Variants in ZNF573 observed in about 807,000 individuals in gnomAD.
The protein encoded by ZNF573 is zinc finger protein 573.
Under a neutral mutation model 57.4 loss-of-function variants are expected in ZNF573, and 41 were observed. The observed-to-expected ratio is 0.71, with a 90% CI of 0.56 to 0.93. The LOEUF (loss-of-function observed/expected upper bound fraction) is 0.93, where lower values mean the gene tolerates loss of function less well. Among genes scored for constraint, ZNF573 ranks in the 40% least tolerant of loss-of-function variants. The pLI, the probability that ZNF573 is intolerant of heterozygous loss-of-function variation, is 0.00. For missense variants in ZNF573, 730 were observed against 794.8 expected (o/e 0.92, Z 0.98); for synonymous variants, 249 against 261.0 (o/e 0.95, Z 0.44).
chr19:37,740,110 A>T lies in ZNF573; in HGVS notation c.380T>A (p.Ile127Lys). Residue 127 changes from isoleucine (I) to lysine (K), a missense_variant, in exon 5 of 5, where the codon ATA (isoleucine) becomes AAA (lysine). Transcript: ENST00000536220. ...TTCATAGAGTTTCTCTCTCTTATAT[A>T]TGCTCTGAAGTTGTGTAGAGGATAT... The part of the protein sequence containing the change: ...TDISSTQLQS[I>K]YKREKLYECK... 6.2e-7 allele frequency: 1 copy of T among 1,613,856 alleles called. No homozygotes were observed. Among genetic ancestry groups the T allele is most frequent in the Non-Finnish European group, 8.5e-7 (1 of 1,179,862 alleles).
At chr19:37,742,263 T>C (rs2145277021) in intron 4 of ZNF573, among the ~76,000 whole-genome samples, 1 of 152,298 alleles carries the variant, frequency 6.6e-6, no homozygotes, top group Middle Eastern at 3.4e-3. Flanking sequence ...AAGTAAATTA[T>C]AGATTCAATG....
chr19:37,753,214 A>G (rs533529120), intron 4 of ZNF573, among the ~76,000 whole-genome samples: 1 of 152,178 alleles, frequency 6.6e-6, no homozygotes, highest in African/African-American at 2.4e-5. Flanking sequence ...TTCACAGTAA[A>G]ATTTTATTAT....
At chr19:37,745,756 C>T (rs192027637) in intron 4 of ZNF573, among the ~76,000 whole-genome samples, 14 of 152,248 alleles carry the variant, frequency 9.2e-5, no homozygotes, top group Admixed American at 5.2e-4. Context: ...CTATAATGTA[C>T]ATAGAGGATT....
chr19:37,769,905 G>A, intron 4 of ZNF573, 100 bp downstream of exon 4: 3 of 963,216 alleles, frequency 3.1e-6, no homozygotes. Flanking sequence ...CACAAGTCTG[G>A]GTGCCTTGGA....
At position 37,750,584 on chromosome 19, in the gene ZNF573, A is replaced by T. The variant is rs57676507; in HGVS notation, c.296-10390T>A. 5.9e-3 allele frequency among the ~76,000 whole-genome samples: 906 copies of T among 152,300 alleles called. 10 individuals are homozygous for T. The highest frequency in any genetic ancestry group is 0.021 in the African/African-American group (856 of 41,564). ...CAGAATAATGGAGGAAAAAAATCGT[A>T]TGAATTTTGTTAATACATGCAGAAA... is the stretch of plus-strand genomic sequence containing the variant. On this transcript the variant is annotated intron_variant, in intron 4 of 4. Transcript: ENST00000536220.
At chr19:37,744,740 C>CA (rs1193916273) in intron 4 of ZNF573, among the ~76,000 whole-genome samples, 510 of 37,646 alleles carry the variant, frequency 0.014, 4 homozygotes, top group Middle Eastern at 0.024. Context: ...GACCCTATCT[C>CA]AAAAAAAAAA....
At chr19:37,746,618 C>A (rs1044131241) in intron 4 of ZNF573, among the ~76,000 whole-genome samples, 1 of 151,838 alleles carries the variant, frequency 6.6e-6, no homozygotes, top group Non-Finnish European at 1.5e-5. Context: ...CTTGCTCTGT[C>A]GCCCAGGCTG....
chr19:37,752,193 T>C (rs80234820), intron 4 of ZNF573, among the ~76,000 whole-genome samples: 37 of 152,252 alleles, frequency 2.4e-4, no homozygotes, highest in African/African-American at 8.9e-4. Flanking sequence ...CAACTGGATA[T>C]TCACATGCAA....
chr19:37,768,919 G>T (rs574432619), intron 4 of ZNF573, among the ~76,000 whole-genome samples: 1 of 138,624 alleles, frequency 7.2e-6, no homozygotes, highest in East Asian at 2.2e-4. Flanking sequence ...ACCCATCTCG[G>T]CCTCCCAAAG....
At chr19:37,777,393 C>A (rs1441043495) in intron 1 of ZNF573, among the ~76,000 whole-genome samples, 1 of 152,036 alleles carries the variant, frequency 6.6e-6, no homozygotes. Context: ...AGCCTAAATG[C>A]CCATCAACAA....
In ZNF573 at chr19:37,771,641, C is replaced by T; in HGVS notation, c.125G>A (p.Trp42Ter). The T allele has an allele frequency of 1.9e-6, 3 of 1,603,138 alleles. No individual in the cohort carries two copies. The highest frequency in any genetic ancestry group is 2.6e-6 in the Non-Finnish European group (3 of 1,176,462). The change falls in exon 3 of 5, where the codon TGG (tryptophan) becomes TAG (stop). Residue 42 changes from tryptophan (W) to a stop codon, truncating the protein, a stop_gained. Transcript: ENST00000536220. LOFTEE classifies it high-confidence loss of function. ...CCTCTGATTAGGGTCCAGGTATTCC[C>T]ACTCCTGCCGAGAGAAGTCTATGGC... The part of the protein sequence containing the change: ...DVAIDFSRQE[W>*]EYLDPNQRDL...
chr19:37,776,126 AAAAAC>A (rs1336735267), intron 1 of ZNF573, among the ~76,000 whole-genome samples: 1 of 152,232 alleles, frequency 6.6e-6, no homozygotes, highest in Non-Finnish European at 1.5e-5. Context: ...CAGAATTAGA[AAAAAC>A]AATCCTAAAA....
Position 37,740,128 on chromosome 19 carries a change from G to C in ZNF573, c.362C>G (p.Ser121Cys), listed in dbSNP as rs775772267. 2.5e-6 allele frequency: 4 copies of C among 1,613,590 alleles called. No homozygotes were observed. Among genetic ancestry groups the C allele is most frequent in the Non-Finnish European group, 3.4e-6 (4 of 1,179,760 alleles). ...EVPTYETDIS[S>C]TQLQSIYKRE... ...CTTATATATGCTCTGAAGTTGTGTA[G>C]AGGATATATCTGTTTCATAAGTGGG... Residue 121 changes from serine to cysteine, a missense_variant, in exon 5 of 5, where the codon TCT becomes TGT. By Grantham distance (112) the Ser-to-Cys change is moderately radical. Coordinates refer to ENST00000536220, the MANE Select transcript of ZNF573 (RefSeq NM_001172690.2).
chr19:37,766,265 C>T (rs2045601194), intron 4 of ZNF573, among the ~76,000 whole-genome samples: 1 of 151,836 alleles, frequency 6.6e-6, no homozygotes, highest in Non-Finnish European at 1.5e-5. Flanking sequence ...GAGAGACAAC[C>T]AGAAGGTTTA....
intron 4 of ZNF573, among the ~76,000 whole-genome samples, chr19:37,768,535 T>G (rs2045622130): frequency 6.6e-6 from 1 of 152,216 alleles, no homozygotes; most frequent in Admixed American, 6.5e-5. Context: ...ACCATGTCTC[T>G]TTCCAAATAC....
At chr19:37,760,919 C>T (rs1310941279) in intron 4 of ZNF573, among the ~76,000 whole-genome samples, 2 of 151,982 alleles carry the variant, frequency 1.3e-5, no homozygotes, top group East Asian at 1.9e-4. Flanking sequence ...ACAAGCAGGC[C>T]GGGCGCAGTG....
At chr19:37,771,135 T>C (rs757718655) in intron 3 of ZNF573, among the ~76,000 whole-genome samples, 1 of 151,572 alleles carries the variant, frequency 6.6e-6, no homozygotes, top group African/African-American at 2.4e-5. Context: ...GGGGTTCTTC[T>C]TATACTCAGA....
chr19:37,743,047 G>A (rs534908811), intron 4 of ZNF573, among the ~76,000 whole-genome samples: 8 of 152,238 alleles, frequency 5.3e-5, no homozygotes, highest in South Asian at 4.1e-4. Flanking sequence ...ATTTGGCTGC[G>A]GTGGCTCATG....
chr19:37,738,896 T>G lies in ZNF573; in HGVS notation c.1594A>C (p.Arg532=). The G allele has an allele frequency of 6.2e-7, 1 of 1,609,582 alleles. No individual in the cohort carries two copies. Among genetic ancestry groups the G allele is most frequent in the Non-Finnish European group, 8.5e-7 (1 of 1,177,476 alleles). ...GMKPYECKVC[R]KTFTFYRNLT... Reference sequence around the variant, plus strand: ...TTTCTATAGAAAGTAAAGGTTTTTCTACATACCTTACATTCATAGGGTTTC... The same window carrying G: ...TTTCTATAGAAAGTAAAGGTTTTTCGACATACCTTACATTCATAGGGTTTC... The change falls in exon 5 of 5, where the codon AGA becomes CGA. Residue 532 remains arginine, a synonymous_variant. Coordinates refer to ENST00000536220, the MANE Select transcript of ZNF573 (RefSeq NM_001172690.2).
Sources: gnomAD v4.1 joint callset for allele counts (sites outside exome capture counted in the v4.1 genomes callset) on GRCh38, gnomAD v4.1.1 for gene constraint, MANE v1.5 for transcripts, NCBI Gene and HGNC (gene_info 2026-07-23, HGNC 2026-07-21) for gene names.